The following MTUS2 variants were observed in gnomAD, a reference collection of about 807,000 sequenced individuals.
The protein encoded by MTUS2 is microtubule associated scaffold protein 2.
In MTUS2, 40 loss-of-function variants were observed where a neutral mutation model predicts 114.1. The ratio of observed to expected loss-of-function variants is 0.35; its 90% confidence interval spans 0.27 to 0.46. The LOEUF is 0.46. Among genes scored for constraint, MTUS2 ranks in the 20% least tolerant of loss-of-function variants. The pLI is 1.00. For missense variants in MTUS2, 1,679 were observed against 1,705.4 expected, an observed-to-expected ratio of 0.98 and a Z score of 0.27; for synonymous variants, 688 against 672.0, an observed-to-expected ratio of 1.02 and a Z score of -0.37.
At position 29,024,500 on chromosome 13, in the gene MTUS2, A is replaced by T; in HGVS notation, c.-199A>T. On this transcript the variant is annotated 5_prime_UTR_variant, in exon 3 of 16. Transcript: ENST00000612955. ...CTCTCATTCAGCAGGAACCTAACAG[A>T]TAAGTCTTCCTGCTGTATATCAAGA... 3.2e-6 allele frequency: 2 copies of T among 615,428 alleles called. No homozygotes were observed. Among genetic ancestry groups the T allele is most frequent in the Non-Finnish European group, 5.6e-6 (2 of 358,294 alleles). The allele number at this position is 615,428 out of a possible 1,614,324, so 38.1% of individuals were successfully genotyped here.
chr13:29,281,547 T>G (rs1275822377), intron 5 of MTUS2, among the ~76,000 whole-genome samples, 157 bp from the exon 6 acceptor site: 1 of 152,104 alleles, frequency 6.6e-6, no homozygotes, highest in African/African-American at 2.4e-5. Flanking sequence ...CTTTTCCACA[T>G]AGGGTTCCAG....
chr13:29,263,537 C>G (rs1362145581), intron 5 of MTUS2, among the ~76,000 whole-genome samples: 1 of 152,182 alleles, frequency 6.6e-6, no homozygotes, highest in African/African-American at 2.4e-5. Context: ...AATTGACTCA[C>G]AGTTCTGCAG....
At chr13:28,846,551 A>G (rs1314285186) in intron 2 of MTUS2, among the ~76,000 whole-genome samples, 5 of 152,152 alleles carry the variant, frequency 3.3e-5, no homozygotes, top group Non-Finnish European at 7.3e-5. Flanking sequence ...TAATCTCCAC[A>G]GACTATTATA....
chr13:29,140,352 A>T (rs1445298033), intron 5 of MTUS2, among the ~76,000 whole-genome samples: 2 of 152,210 alleles, frequency 1.3e-5, no homozygotes, highest in Non-Finnish European at 2.9e-5. Context: ...AGGGCTAAGC[A>T]ACACAGTATT....
intron 2 of MTUS2, among the ~76,000 whole-genome samples, chr13:28,957,686 G>C (rs1047338386): frequency 4.3e-5 from 4 of 92,150 alleles, no homozygotes; most frequent in Admixed American, 2.2e-4. Context: ...TGTATCTGGA[G>C]GGGGGGGTCC....
At chr13:29,423,751 T>C (rs1020037604) in intron 8 of MTUS2, among the ~76,000 whole-genome samples, 1 of 152,218 alleles carries the variant, frequency 6.6e-6, no homozygotes, top group African/African-American at 2.4e-5. Flanking sequence ...CTGTCCTTCC[T>C]GTACAAACTA....
intron 4 of MTUS2, among the ~76,000 whole-genome samples, chr13:29,089,739 G>A (rs1889853891): frequency 6.6e-6 from 1 of 152,148 alleles, no homozygotes; most frequent in South Asian, 2.1e-4. Flanking sequence ...TCTGTTATTA[G>A]TGGTTCCTAT....
intron 5 of MTUS2, among the ~76,000 whole-genome samples, chr13:29,241,370 A>G (rs1243452304): frequency 2.0e-5 from 3 of 152,140 alleles, no homozygotes; most frequent in Non-Finnish European, 4.4e-5. Context: ...CTCAGTAATT[A>G]TATTATTTAT....
chr13:29,218,550 T>C (rs8001388), intron 5 of MTUS2, among the ~76,000 whole-genome samples: 1 of 152,250 alleles, frequency 6.6e-6, no homozygotes, highest in African/African-American at 2.4e-5. Context: ...TCATTGTCTA[T>C]GGCAGCTATA....
At chr13:29,105,971 G>C (rs1003385319) in intron 5 of MTUS2, among the ~76,000 whole-genome samples, 1 of 152,152 alleles carries the variant, frequency 6.6e-6, no homozygotes. Context: ...GGTGCAGCCT[G>C]CCACTTCATC....
intron 10 of MTUS2, among the ~76,000 whole-genome samples, chr13:29,486,622 G>T (rs1881633404): frequency 6.6e-6 from 1 of 152,160 alleles, no homozygotes; most frequent in African/African-American, 2.4e-5. Flanking sequence ...GCCAAGTTTT[G>T]ATGCATTATT....
chr13:29,221,968 C>T (rs779232857), intron 5 of MTUS2, among the ~76,000 whole-genome samples: 1 of 152,148 alleles, frequency 6.6e-6, no homozygotes, highest in Non-Finnish European at 1.5e-5. Flanking sequence ...GATAGAGTCT[C>T]ACTATATTGC....
chr13:29,067,227 A>G (rs1305804057), intron 4 of MTUS2, among the ~76,000 whole-genome samples: 1 of 152,188 alleles, frequency 6.6e-6, no homozygotes, highest in Non-Finnish European at 1.5e-5. Context: ...ATGGGAATAG[A>G]TGAGCAGATT....
At chr13:29,016,371 G>T (rs1422727387) in intron 2 of MTUS2, among the ~76,000 whole-genome samples, 5 of 150,072 alleles carry the variant, frequency 3.3e-5, no homozygotes, top group Admixed American at 6.6e-5. Context: ...TTTTTTAAGG[G>T]TATGCTTGAA....
In MTUS2 at chr13:28,885,693, G is replaced by A. The variant is rs73437219; in HGVS notation, c.-243+45843G>A. Among the ~76,000 whole-genome samples the A allele has an allele frequency of 6.5e-3, 990 of 152,242 alleles. 11 individuals carry two copies. Among genetic ancestry groups the A allele is most frequent in the African/African-American group, 0.023 (951 of 41,538 alleles). ...ATGCTTGTATGGACCAATCTTAAAG[G>A]TGAATATTCAACACTATTTCTGAGA... On this transcript the variant is annotated intron_variant, in intron 2 of 15. Coordinates refer to ENST00000612955, the MANE Select transcript of MTUS2 (RefSeq NM_001033602.4).
At chr13:29,198,316 T>G (rs1200451822) in intron 5 of MTUS2, among the ~76,000 whole-genome samples, 1 of 152,244 alleles carries the variant, frequency 6.6e-6, no homozygotes, top group Non-Finnish European at 1.5e-5. Flanking sequence ...ACACTATTTA[T>G]TAAATAGGGA....
intron 4 of MTUS2, among the ~76,000 whole-genome samples, chr13:29,066,400 G>A (rs1006933261): frequency 3.3e-5 from 5 of 152,212 alleles, no homozygotes; most frequent in South Asian, 2.1e-4. Flanking sequence ...AGTGGTAGTA[G>A]TTATTGTTAT....
intron 4 of MTUS2, among the ~76,000 whole-genome samples, chr13:29,053,384 A>T (rs979766948): frequency 6.6e-6 from 1 of 152,192 alleles, no homozygotes; most frequent in Admixed American, 6.5e-5. Context: ...CATGTTGTTT[A>T]TCAGCAAGAT....
chr13:29,221,568 C>T (rs1895909258), intron 5 of MTUS2, among the ~76,000 whole-genome samples: 1 of 151,850 alleles, frequency 6.6e-6, no homozygotes, highest in Non-Finnish European at 1.5e-5. Flanking sequence ...TATCTTTTTC[C>T]TATTTTAGAC....
Sources: gnomAD v4.1 joint callset for allele counts (sites outside exome capture counted in the v4.1 genomes callset) on GRCh38, gnomAD v4.1.1 for gene constraint, MANE v1.5 for transcripts, NCBI Gene and HGNC (gene_info 2026-07-23, HGNC 2026-07-21) for gene names.